Variants in CDH20 observed in about 807,000 individuals in gnomAD.
CDH20 encodes the protein cadherin-20.
In CDH20, 29 loss-of-function variants were observed where a neutral mutation model predicts 74.2. That is an observed-to-expected ratio of 0.39 (90% CI 0.29 to 0.53). The LOEUF (loss-of-function observed/expected upper bound fraction) is 0.53, where lower values mean the gene tolerates loss of function less well. CDH20 is among the 20% of genes least tolerant of loss of function. The pLI, the probability that CDH20 is intolerant of heterozygous loss-of-function variation, is 0.69. For synonymous variants in CDH20, 469 were observed against 405.4 expected (o/e 1.16, Z -1.88); for missense variants, 988 against 1,048.3 (o/e 0.94, Z 0.79).
intron 1 of CDH20, among the ~76,000 whole-genome samples, chr18:61,335,608 G>A (rs937821627): frequency 2.0e-5 from 3 of 152,316 alleles, no homozygotes; most frequent in Admixed American, 1.3e-4. Flanking sequence ...TGACTTTGGC[G>A]TGACCTTTCT....
At chr18:61,358,626 G>T (rs894397579) in intron 1 of CDH20, among the ~76,000 whole-genome samples, 3 of 152,190 alleles carry the variant, frequency 2.0e-5, no homozygotes, top group African/African-American at 7.2e-5. Context: ...GAATGGATCA[G>T]TGGTTTTCCT....
intron 1 of CDH20, among the ~76,000 whole-genome samples, chr18:61,474,568 T>A (rs1292503020): frequency 1.3e-5 from 2 of 152,170 alleles, no homozygotes; most frequent in East Asian, 3.9e-4. Flanking sequence ...TCTTTTAATA[T>A]TGCGGTACAA....
chr18:61,424,351 A>G (rs1030053113), intron 1 of CDH20, among the ~76,000 whole-genome samples: 1 of 152,232 alleles, frequency 6.6e-6, no homozygotes, highest in African/African-American at 2.4e-5. Context: ...AGCACTGAAG[A>G]CTTGCCTGCC....
chr18:61,538,829 C>G (rs991797976), intron 8 of CDH20, among the ~76,000 whole-genome samples, 195 bp from the exon 9 acceptor site: 1 of 151,598 alleles, frequency 6.6e-6, no homozygotes, highest in African/African-American at 2.4e-5. Flanking sequence ...TCCGTGTTAT[C>G]CAGGATGTTA....
At chr18:61,371,176 G>A (rs1911024765) in intron 1 of CDH20, among the ~76,000 whole-genome samples, 1 of 152,090 alleles carries the variant, frequency 6.6e-6, no homozygotes, top group Admixed American at 6.6e-5. Flanking sequence ...GAGAGGATTA[G>A]TAACCTGTAA....
At chr18:61,548,259 T>C (rs1021921304) in intron 10 of CDH20, among the ~76,000 whole-genome samples, 1 of 152,164 alleles carries the variant, frequency 6.6e-6, no homozygotes, top group Admixed American at 6.6e-5. Flanking sequence ...TTTTTGACAG[T>C]TAATATTACT....
intron 9 of CDH20, among the ~76,000 whole-genome samples, chr18:61,542,459 C>G (rs967026058): frequency 2.0e-5 from 3 of 152,192 alleles, no homozygotes; most frequent in Non-Finnish European, 4.4e-5. Context: ...CAGGACTGGG[C>G]AAAAGAAGTC....
chr18:61,417,942 A>T (rs1170549606), intron 1 of CDH20, among the ~76,000 whole-genome samples: 3 of 152,218 alleles, frequency 2.0e-5, no homozygotes. Flanking sequence ...ATAACTGTTA[A>T]GTATCCATAA....
intron 1 of CDH20, among the ~76,000 whole-genome samples, chr18:61,478,043 TAA>T (rs531281592): frequency 2.0e-5 from 3 of 151,952 alleles, no homozygotes; most frequent in African/African-American, 4.8e-5. Flanking sequence ...TACTAAAAAT[TAA>T]AAAGTTAGTC....
At chr18:61,433,491 CAGG>C (rs1908725107) in intron 1 of CDH20, among the ~76,000 whole-genome samples, 2 of 152,074 alleles carry the variant, frequency 1.3e-5, no homozygotes, top group Admixed American at 6.6e-5. Context: ...ATCATTTCAC[CAGG>C]AGTTTTAAAT....
intron 1 of CDH20, among the ~76,000 whole-genome samples, chr18:61,455,285 A>C (rs1909534896): frequency 6.6e-6 from 1 of 152,198 alleles, no homozygotes; most frequent in African/African-American, 2.4e-5. Flanking sequence ...TGGAATAGTA[A>C]ACAGATATTA....
At chr18:61,345,516 T>C (rs762059978) in intron 1 of CDH20, among the ~76,000 whole-genome samples, 26 of 152,206 alleles carry the variant, frequency 1.7e-4, no homozygotes, top group Non-Finnish European at 3.4e-4. Context: ...ACTGCCTCGA[T>C]GAACCCCTTA....
chr18:61,426,495 A>G (rs1043154018), intron 1 of CDH20, among the ~76,000 whole-genome samples: 26 of 152,318 alleles, frequency 1.7e-4, no homozygotes, highest in Admixed American at 4.6e-4. Context: ...CAAGGGAGCC[A>G]TTTTTCAGTT....
At chr18:61,384,634 C>T (rs551752867) in intron 1 of CDH20, among the ~76,000 whole-genome samples, 1 of 152,208 alleles carries the variant, frequency 6.6e-6, no homozygotes, top group East Asian at 1.9e-4. Context: ...ATTTTATTTC[C>T]TTACAGAATC....
intron 6 of CDH20, among the ~76,000 whole-genome samples, chr18:61,512,591 C>A (rs868795419): frequency 6.5e-4 from 99 of 152,160 alleles, no homozygotes; most frequent in African/African-American, 2.3e-3. Context: ...TCACTCCATG[C>A]CGCTGTTTCC....
intron 9 of CDH20, among the ~76,000 whole-genome samples, chr18:61,544,246 G>T (rs1178326112): frequency 6.6e-5 from 10 of 152,224 alleles, no homozygotes; most frequent in South Asian, 2.1e-4. Flanking sequence ...AAGCCATGGG[G>T]AGCGCTTTTG....
In CDH20 at chr18:61,527,960, T is replaced by C. The variant is rs1912490953; in HGVS notation, c.1018-7T>C. 38 of 1,613,678 alleles carry C rather than the reference T, an allele frequency of 2.4e-5. No individual in the cohort carries two copies. The highest frequency in any genetic ancestry group is 3.2e-5 in the Non-Finnish European group (38 of 1,179,790). ...GGCGAATCAATTTTCCTGTCATTGC[T>C]TTTCAGCCCCTGAGTTTTGAAAGCA... On this transcript the variant is annotated splice_polypyrimidine_tract_variant and splice_region_variant and intron_variant, in intron 6 of 11. Transcript: ENST00000262717.
chr18:61,374,155 C>G (rs1450953112), intron 1 of CDH20, among the ~76,000 whole-genome samples: 1 of 151,986 alleles, frequency 6.6e-6, no homozygotes, highest in Non-Finnish European at 1.5e-5. Context: ...GATTTTTCAC[C>G]CTTGGTAGCC....
At chr18:61,458,456 C>G (rs530499353) in intron 1 of CDH20, among the ~76,000 whole-genome samples, 1 of 152,158 alleles carries the variant, frequency 6.6e-6, no homozygotes, top group Admixed American at 6.5e-5. Context: ...TCTTCCCACA[C>G]GAGACCACCA....
Sources: allele counts gnomAD v4.1 joint callset (sites outside exome capture counted in the v4.1 genomes callset), GRCh38; gene constraint gnomAD v4.1.1; transcripts MANE v1.5; gene names NCBI Gene and HGNC (gene_info 2026-07-23, HGNC 2026-07-21).